Variants in COPA observed in about 807,000 individuals in gnomAD.
COPA encodes the protein coatomer subunit alpha.
Under a neutral mutation model 158.7 loss-of-function variants are expected in COPA, and 10 were observed. That is an observed-to-expected ratio of 0.06 (90% CI 0.04 to 0.11). The LOEUF is 0.11. Ranked by LOEUF, COPA falls within the 10% of genes least tolerant of loss-of-function variation. The probability of loss-of-function intolerance (pLI) is 1.00; values close to 1 mark genes in which losing one functional copy is unlikely to be tolerated. For missense variants in COPA, 1,065 were observed against 1,536.7 expected (o/e 0.69, Z 5.13); for synonymous variants, 462 against 542.8 (o/e 0.85, Z 2.07).
At chr1:160,321,032 A>G (rs1195065248) in intron 8 of COPA, among the ~76,000 whole-genome samples, 1 of 152,206 alleles carries the variant, frequency 6.6e-6, no homozygotes, top group East Asian at 1.9e-4. Flanking sequence ...TCAGGGATGC[A>G]AGAATGGTTC....
chr1:160,314,153 A>G, intron 8 of COPA, 28 bp from the exon 9 acceptor site: 1 of 1,602,238 alleles, frequency 6.2e-7, no homozygotes. Flanking sequence ...TTAGGTCATC[A>G]CAATTCCCTA....
intron 21 of COPA, 102 bp from the exon 22 acceptor site, chr1:160,296,251 TA>T: frequency 2.1e-6 from 2 of 935,778 alleles, no homozygotes; most frequent in Non-Finnish European, 3.4e-6. Flanking sequence ...TGACTCCTGG[TA>T]TTCAAGTTGT....
At chr1:160,324,136 C>A (rs570982646) in intron 7 of COPA, among the ~76,000 whole-genome samples, 2 of 152,102 alleles carry the variant, frequency 1.3e-5, no homozygotes, top group Non-Finnish European at 2.9e-5. Flanking sequence ...GCTGGGATTA[C>A]AGGCGTGAGC....
At chr1:160,301,008 C>T (rs182818555) in intron 17 of COPA, among the ~76,000 whole-genome samples, 4 of 152,126 alleles carry the variant, frequency 2.6e-5, no homozygotes, top group African/African-American at 9.6e-5. Context: ...ATCCCAGCTA[C>T]TTGGGAGACT....
At chr1:160,297,819 C>G (rs1658463258) in intron 19 of COPA, 74 bp from the exon 20 acceptor site, 5 of 1,446,866 alleles carry the variant, frequency 3.5e-6, no homozygotes, top group Non-Finnish European at 4.7e-6. Flanking sequence ...TGCAAAGCAT[C>G]TGCATCTATA....
chr1:160,290,291 C>T (rs1557858773), intron 32 of COPA, 75 bp from the exon 33 acceptor site: 6 of 1,535,206 alleles, frequency 3.9e-6, no homozygotes, highest in Non-Finnish European at 5.4e-6. Context: ...TTCCCTATAC[C>T]CCTCAATGGG....
At chr1:160,294,426 C>T in intron 25 of COPA, 58 bp downstream of exon 25, 1 of 1,473,740 alleles carries the variant, frequency 6.8e-7, no homozygotes, top group Non-Finnish European at 9.5e-7. Flanking sequence ...ACAATAAGGC[C>T]TCTGGCTTCC....
chr1:160,325,712 A>G (rs1659470645), intron 6 of COPA, 60 bp from the exon 7 acceptor site: 1 of 1,195,816 alleles, frequency 8.4e-7, no homozygotes, highest in African/African-American at 1.5e-5. Flanking sequence ...AAAACAGCAC[A>G]GTATCAGAAA....
chr1:160,301,755 G>A (rs1034056300), intron 17 of COPA, among the ~76,000 whole-genome samples: 23 of 151,992 alleles, frequency 1.5e-4, no homozygotes, highest in Admixed American at 1.5e-3. Context: ...GCAACAGAGT[G>A]AGACTCTCTG....
chr1:160,333,775 C>T (rs192749885), intron 4 of COPA, 96 bp from the exon 5 acceptor site: 64 of 910,682 alleles, frequency 7.0e-5, no homozygotes, highest in Non-Finnish European at 9.0e-5. Flanking sequence ...CATTGCTTAA[C>T]GGCTCAGCTA....
intron 4 of COPA, among the ~76,000 whole-genome samples, 186 bp from the exon 5 acceptor site, chr1:160,333,865 T>A (rs1424060382): frequency 6.6e-6 from 1 of 152,208 alleles, no homozygotes; most frequent in Non-Finnish European, 1.5e-5. Context: ...TTTCTCAACT[T>A]CGGCACTTTC....
Position 160,303,372 on chromosome 1 carries a change from T to A in COPA, c.1667+2061A>T, listed in dbSNP as rs573392541. On this transcript the variant is annotated intron_variant, in intron 17 of 32. Coordinates refer to ENST00000241704, the MANE Select transcript of COPA (RefSeq NM_004371.4). ...AGACAGTGTGGAATTAGAGCAGAGATAGACAGACCACATTTGAAAACATGA... is the reference window on the plus strand; with the variant it reads ...AGACAGTGTGGAATTAGAGCAGAGAAAGACAGACCACATTTGAAAACATGA... Among the ~76,000 whole-genome samples the A allele has an allele frequency of 5.4e-3, 825 of 152,342 alleles. 6 individuals are homozygous for A. The highest frequency in any genetic ancestry group is 8.6e-3 in the Non-Finnish European group (587 of 68,028).
chr1:160,339,776 G>A, intron 3 of COPA, 133 bp downstream of exon 3: 1 of 724,334 alleles, frequency 1.4e-6, no homozygotes, highest in Non-Finnish European at 2.3e-6. Context: ...TGCTGAGTAA[G>A]TTCTCCGGAT....
chr1:160,321,349 T>C (rs976803903), intron 8 of COPA, among the ~76,000 whole-genome samples: 5 of 152,206 alleles, frequency 3.3e-5, no homozygotes, highest in Non-Finnish European at 7.3e-5. Context: ...CCAGGTCAAG[T>C]AGGTATGAGA....
In COPA at chr1:160,343,245, A is replaced by T; in HGVS notation, c.-75T>A. On this transcript the variant is annotated 5_prime_UTR_variant, in exon 1 of 33. Coordinates refer to ENST00000241704, the MANE Select transcript of COPA (RefSeq NM_004371.4). ...GCTGCCCTTCGGACGCCTCCACGTC[A>T]GCGACCCTCTCCCGCGGTTTCCGGA... 3 of 1,600,648 alleles carry T rather than the reference A, an allele frequency of 1.9e-6. No homozygotes were observed. Among genetic ancestry groups the T allele is most frequent in the Non-Finnish European group, 2.6e-6 (3 of 1,167,822 alleles).
chr1:160,312,819 C>CTTTTCTGAA (rs1286320847), intron 10 of COPA, among the ~76,000 whole-genome samples: 5 of 152,178 alleles, frequency 3.3e-5, no homozygotes, highest in Admixed American at 2.6e-4. Context: ...TTCTGAACCA[C>CTTTTCTGAA]CCAATATAAA....
intron 9 of COPA, among the ~76,000 whole-genome samples, chr1:160,313,454 G>A (rs1172660892): frequency 6.7e-6 from 1 of 150,134 alleles, no homozygotes; most frequent in African/African-American, 2.5e-5. Flanking sequence ...TCGCTCTGTT[G>A]CCCAGGCTGG....
chr1:160,321,763 G>A (rs1411111493), intron 8 of COPA, among the ~76,000 whole-genome samples: 2 of 152,106 alleles, frequency 1.3e-5, no homozygotes, highest in East Asian at 3.9e-4. Flanking sequence ...ACTCCAGCCT[G>A]GGCAATAGAG....
At chr1:160,290,448 C>A in intron 32 of COPA, 44 bp downstream of exon 32, 1 of 1,582,310 alleles carries the variant, frequency 6.3e-7, no homozygotes. Context: ...TCTTTTTCCC[C>A]TTCGCTCAAT....
Sources: gnomAD v4.1 joint callset for allele counts (sites outside exome capture counted in the v4.1 genomes callset) on GRCh38, gnomAD v4.1.1 for gene constraint, MANE v1.5 for transcripts, NCBI Gene and HGNC (gene_info 2026-07-23, HGNC 2026-07-21) for gene names.